The following TAFA4 variants were observed in gnomAD, a reference collection of about 807,000 sequenced individuals.
TAFA4 encodes chemokine-like protein TAFA-4.
Under a neutral mutation model 21.1 loss-of-function variants are expected in TAFA4, and 20 were observed. The observed-to-expected ratio is 0.95, with a 90% CI of 0.67 to 1.38. TAFA4 has a LOEUF of 1.38. Ranked by LOEUF, TAFA4 falls within the 40% of genes most tolerant of loss-of-function variation. TAFA4 has a pLI of 0.00. For missense variants in TAFA4, 211 were observed against 180.9 expected (o/e 1.17, Z -0.95); for synonymous variants, 71 against 67.4 (o/e 1.05, Z -0.26).
intron 4 of TAFA4, among the ~76,000 whole-genome samples, chr3:68,741,580 G>A (rs150260462): frequency 6.6e-6 from 1 of 152,204 alleles, no homozygotes; most frequent in African/African-American, 2.4e-5. Context: ...AGATCATGAG[G>A]TCAGGAGATC....
At chr3:68,765,962 C>T (rs1702846322) in intron 3 of TAFA4, among the ~76,000 whole-genome samples, 1 of 152,110 alleles carries the variant, frequency 6.6e-6, no homozygotes, top group Non-Finnish European at 1.5e-5. Flanking sequence ...TCACCATTCC[C>T]ATCCATATTC....
At chr3:68,931,382 A>T (rs2090156370) in intron 1 of TAFA4, among the ~76,000 whole-genome samples, 1 of 152,132 alleles carries the variant, frequency 6.6e-6, no homozygotes, top group Admixed American at 6.5e-5. Context: ...AGCTTTACTA[A>T]GGCTCCGTGG....
intron 3 of TAFA4, among the ~76,000 whole-genome samples, chr3:68,766,967 A>C (rs989891231): frequency 1.3e-5 from 2 of 152,192 alleles, no homozygotes; most frequent in Non-Finnish European, 2.9e-5. Context: ...AAAGTCTGAA[A>C]AAGATTTCCA....
At position 68,841,343 on chromosome 3, in the gene TAFA4, A is replaced by T. The variant is rs574612780; in HGVS notation, c.130+39387T>A. Among the ~76,000 whole-genome samples the T allele has an allele frequency of 1.6e-3, 249 of 151,506 alleles. 52 individuals carry two copies. Among genetic ancestry groups the T allele is most frequent in the African/African-American group, 5.6e-3 (229 of 41,124 alleles). ...GTCTCAAAAAAAAAAAAAATAAAAA[A>T]AAATAAAATCCACACACATTCTCCA... is the stretch of plus-strand genomic sequence containing the variant. On this transcript the variant is annotated intron_variant, in intron 3 of 5. Coordinates refer to ENST00000295569, the MANE Select transcript of TAFA4 (RefSeq NM_182522.5).
chr3:68,802,888 A>G (rs1254773557), intron 3 of TAFA4, among the ~76,000 whole-genome samples: 1 of 152,200 alleles, frequency 6.6e-6, no homozygotes, highest in Non-Finnish European at 1.5e-5. Context: ...CCACATTTTC[A>G]CAATATAGAA....
chr3:68,880,445 C>A (rs1019264867), intron 3 of TAFA4, among the ~76,000 whole-genome samples: 3 of 151,920 alleles, frequency 2.0e-5, no homozygotes, highest in Non-Finnish European at 4.4e-5. Flanking sequence ...CACACGCCAA[C>A]CACACAAATT....
At chr3:68,762,241 T>G (rs1190847123) in intron 3 of TAFA4, among the ~76,000 whole-genome samples, 1 of 151,484 alleles carries the variant, frequency 6.6e-6, no homozygotes, top group Non-Finnish European at 1.5e-5. Flanking sequence ...TGGAGGTAAA[T>G]CTTGATTGGA....
At chr3:68,786,202 G>A (rs1411089032) in intron 3 of TAFA4, among the ~76,000 whole-genome samples, 1 of 152,124 alleles carries the variant, frequency 6.6e-6, no homozygotes, top group Non-Finnish European at 1.5e-5. Context: ...GGACACCAGG[G>A]CACACGTTTA....
At chr3:68,817,518 T>C (rs1375510091) in intron 3 of TAFA4, among the ~76,000 whole-genome samples, 1 of 152,168 alleles carries the variant, frequency 6.6e-6, no homozygotes, top group African/African-American at 2.4e-5. Context: ...TCCAGAAGGT[T>C]TTCAATTTCC....
intron 1 of TAFA4, among the ~76,000 whole-genome samples, chr3:68,907,958 A>C (rs182037853): frequency 6.6e-6 from 1 of 152,234 alleles, no homozygotes; most frequent in Non-Finnish European, 1.5e-5. Flanking sequence ...ACTTGGAATC[A>C]GCATGGATTC....
At chr3:68,903,396 C>T (rs1325451552) in intron 1 of TAFA4, among the ~76,000 whole-genome samples, 1 of 152,186 alleles carries the variant, frequency 6.6e-6, no homozygotes, top group Non-Finnish European at 1.5e-5. Context: ...TTTAGCAGTT[C>T]CTATGACTTG....
chr3:68,774,288 CATT>C (rs1458902796), intron 3 of TAFA4, among the ~76,000 whole-genome samples: 7 of 152,154 alleles, frequency 4.6e-5, no homozygotes, highest in Admixed American at 4.6e-4. Context: ...CTGCTGCAAG[CATT>C]AGATAGATGG....
intron 3 of TAFA4, among the ~76,000 whole-genome samples, chr3:68,843,689 C>G (rs898681700): frequency 6.6e-6 from 1 of 152,218 alleles, no homozygotes; most frequent in Admixed American, 6.5e-5. Context: ...GAGATACGGT[C>G]CACCAATACC....
intron 1 of TAFA4, among the ~76,000 whole-genome samples, chr3:68,925,186 TGG>T (rs1283936535): frequency 6.6e-6 from 1 of 152,138 alleles, no homozygotes; most frequent in Admixed American, 6.5e-5. Context: ...TCTTTTGATT[TGG>T]GTCCATGGAT....
intron 5 of TAFA4, among the ~76,000 whole-genome samples, chr3:68,737,700 A>G (rs1039277265): frequency 6.6e-6 from 1 of 152,176 alleles, no homozygotes; most frequent in Non-Finnish European, 1.5e-5. Flanking sequence ...TCAAGTTCAC[A>G]CTTAGAAGGA....
At position 68,733,645 on chromosome 3, in the gene TAFA4, T is replaced by C. The variant is rs539681191; in HGVS notation, c.412-492A>G. 2.6e-4 allele frequency among the ~76,000 whole-genome samples: 40 copies of C among 152,290 alleles called. No homozygotes were observed. In the South Asian group the frequency reaches 8.1e-3, roughly 31 times the overall value. Reference sequence around the variant, plus strand: ...AGGTAGTGGTTGTATTTTTCAGACATCCAGGCTCATTGCTTGTGATCTAAG... The same window carrying C: ...AGGTAGTGGTTGTATTTTTCAGACACCCAGGCTCATTGCTTGTGATCTAAG... On this transcript the variant is annotated intron_variant, in intron 5 of 5. Transcript: ENST00000295569.
intron 3 of TAFA4, among the ~76,000 whole-genome samples, chr3:68,792,974 A>C (rs1703390846): frequency 6.6e-6 from 1 of 152,178 alleles, no homozygotes. Flanking sequence ...CATGATCCTT[A>C]TACAGCTGTG....
At chr3:68,913,485 A>G (rs1055969308) in intron 1 of TAFA4, 2 of 152,220 alleles carry the variant, frequency 1.3e-5, no homozygotes, top group African/African-American at 4.8e-5. Context: ...TAGGGCAGCA[A>G]AGTGCCCAAG....
At chr3:68,867,263 G>T (rs2089431645) in intron 3 of TAFA4, among the ~76,000 whole-genome samples, 1 of 152,032 alleles carries the variant, frequency 6.6e-6, no homozygotes, top group Admixed American at 6.6e-5. Context: ...CAGAGGCCAG[G>T]AAAGATGGGA....
Sources: gnomAD v4.1 joint callset for allele counts (sites outside exome capture counted in the v4.1 genomes callset) on GRCh38, gnomAD v4.1.1 for gene constraint, MANE v1.5 for transcripts, NCBI Gene and HGNC (gene_info 2026-07-23, HGNC 2026-07-21) for gene names.